The following MIDEAS variants were observed in gnomAD, a reference collection of about 807,000 sequenced individuals.
MIDEAS encodes mitotic deacetylase-associated SANT domain protein.
In MIDEAS, 26 loss-of-function variants were observed where a neutral mutation model predicts 102.7. The ratio of observed to expected loss-of-function variants is 0.25; its 90% CI spans 0.19 to 0.35. The LOEUF (loss-of-function observed/expected upper bound fraction) is 0.35, where lower values mean the gene tolerates loss of function less well. Among genes scored for constraint, MIDEAS ranks in the 10% least tolerant of loss-of-function variants. The pLI, the probability that MIDEAS is intolerant of heterozygous loss-of-function variation, is 1.00. For synonymous variants in MIDEAS, 585 were observed against 591.0 expected, an observed-to-expected ratio of 0.99 and a Z score of 0.15; for missense variants, 1,231 against 1,435.6, an observed-to-expected ratio of 0.86 and a Z score of 2.30.
Position 73,722,723 on chromosome 14 carries a change from T to G in MIDEAS, c.2699A>C (p.Gln900Pro), listed in dbSNP as rs2053012266. Residue 900 changes from glutamine to proline, a missense_variant, in exon 10 of 13, where the codon CAG becomes CCG. Physicochemically the swap from Gln to Pro is moderately conservative, Grantham distance 76 (BLOSUM62 -1). Transcript: ENST00000423556. ...DVDTSDEKSA[Q>P]EEVEVDIKTS... ...CTTAATATCCACTTCAACCTCTTCCTGGGCCGACTTCTCATCGCTCGTATC... is the reference window on the plus strand; with the variant it reads ...CTTAATATCCACTTCAACCTCTTCCGGGGCCGACTTCTCATCGCTCGTATC... 1 of 1,614,150 alleles carries G rather than the reference T, an allele frequency of 6.2e-7. No homozygotes were observed. Among genetic ancestry groups the G allele is most frequent in the African/African-American group, 1.3e-5 (1 of 75,044 alleles).
chr14:73,722,840 G>T lies in MIDEAS; in HGVS notation c.2582C>A (p.Thr861Asn), dbSNP rs769931783. ...DFFLVQKLIQ[T>N]KTVAQCVEFY... ...CTCCACGCACTGGGCCACGGTCTTG[G>T]TCTGGATCTGGTTTGAAGTCAAAAC... Residue 861 changes from threonine (T) to asparagine (N), a missense_variant, in exon 10 of 13, where the codon ACC becomes AAC. By Grantham distance (65) the Thr-to-Asn change is moderately conservative (BLOSUM62 0). Around this residue, in one of 5 missense-constraint regions of MIDEAS, gnomAD observed 391 missense variants for 483.0 expected, o/e 0.81. Transcript: ENST00000423556. 1 of 1,614,030 alleles carries T rather than the reference G, an allele frequency of 6.2e-7. No individual in the cohort carries two copies. Among genetic ancestry groups the T allele is most frequent in the South Asian group, 1.1e-5 (1 of 91,078 alleles).
intron 1 of MIDEAS, among the ~76,000 whole-genome samples, chr14:73,784,135 A>T (rs777784705): frequency 6.6e-6 from 1 of 152,250 alleles, no homozygotes; most frequent in Non-Finnish European, 1.5e-5. Context: ...CTGGTTTTAA[A>T]ATCTCTTGTC....
chr14:73,784,652 T>C (rs1363905309), intron 1 of MIDEAS, among the ~76,000 whole-genome samples: 3 of 152,210 alleles, frequency 2.0e-5, no homozygotes, highest in Non-Finnish European at 4.4e-5. Context: ...GCCTTCATTA[T>C]GGCAGTCCTG....
chr14:73,769,013 C>T (rs1020448292), intron 1 of MIDEAS, among the ~76,000 whole-genome samples: 1 of 152,204 alleles, frequency 6.6e-6, no homozygotes, highest in East Asian at 1.9e-4. Flanking sequence ...GTCATTTCAT[C>T]CCTTCTGTTC....
At chr14:73,769,622 G>A (rs1420201408) in intron 1 of MIDEAS, among the ~76,000 whole-genome samples, 1 of 135,052 alleles carries the variant, frequency 7.4e-6, no homozygotes, top group Non-Finnish European at 1.6e-5. Flanking sequence ...TTGTTTTTGA[G>A]ATGGAGTCTC....
chr14:73,740,988 G>A (rs1290993953), intron 1 of MIDEAS, among the ~76,000 whole-genome samples: 4 of 152,248 alleles, frequency 2.6e-5, no homozygotes, highest in African/African-American at 9.6e-5. Context: ...GGGTGGGGCT[G>A]TGGCTGCCAG....
intron 1 of MIDEAS, among the ~76,000 whole-genome samples, chr14:73,779,915 C>T (rs1312969474): frequency 2.1e-5 from 3 of 141,558 alleles, no homozygotes; most frequent in African/African-American, 7.9e-5. Flanking sequence ...CTCTGTTGCC[C>T]AGGCTGGAGT....
At chr14:73,785,033 C>T (rs1159370553) in intron 1 of MIDEAS, among the ~76,000 whole-genome samples, 1 of 152,188 alleles carries the variant, frequency 6.6e-6, no homozygotes, top group Non-Finnish European at 1.5e-5. Flanking sequence ...AACTCCAGTG[C>T]ACTGGAATCA....
At chr14:73,736,934 A>T in intron 3 of MIDEAS, 64 bp downstream of exon 3, 1 of 1,502,694 alleles carries the variant, frequency 6.7e-7, no homozygotes, top group South Asian at 1.2e-5. Flanking sequence ...TCCTTTCCCC[A>T]TAGGGTCCTG....
In MIDEAS at chr14:73,737,065, T is replaced by G; in HGVS notation, c.1682A>C (p.His561Pro). 1 of 1,614,126 alleles carries G rather than the reference T, an allele frequency of 6.2e-7. No homozygotes were observed. The highest frequency in any genetic ancestry group is 1.1e-5 in the South Asian group (1 of 91,082). The change falls in exon 3 of 13, where the codon CAC becomes CCC. Residue 561 changes from histidine to proline, a missense_variant. Coordinates refer to ENST00000423556, the MANE Select transcript of MIDEAS (RefSeq NM_001367710.1). The stretch of plus-strand genomic sequence containing the variant: ...GCGGGTGACGATGACTGATGGCTTG[T>G]GCTCAGCAGGGTTCTGTTCAGGACC... ...GKGPEQNPAE[H>P]KPSVIVTRRR...
chr14:73,739,135 G>C lies in MIDEAS; in HGVS notation c.874C>G (p.Pro292Ala). 6.2e-7 allele frequency: 1 copy of C among 1,612,622 alleles called. No individual in the cohort carries two copies. The highest frequency in any genetic ancestry group is 2.2e-5 in the East Asian group (1 of 44,882). ...TGGGACTGTCCCAGTGGCCCAGCTG[G>C]CTGCAGGCCAAAGTCCTGGGGTTGC... Reference protein sequence around the residue: ...SQQPQDFGLQPAGPLGQSHLA... With the variant: ...SQQPQDFGLQAAGPLGQSHLA... Residue 292 changes from proline (P) to alanine (A), a missense_variant, in exon 2 of 13, where the codon CCA (proline) becomes GCA (alanine). Pro to Ala is a conservative substitution (Grantham distance 27, BLOSUM62 -1). Coordinates refer to ENST00000423556, the MANE Select transcript of MIDEAS (RefSeq NM_001367710.1).
Position 73,726,000 on chromosome 14 carries a change from T to C in MIDEAS, c.2485+33A>G, listed in dbSNP as rs1444151498. 1 of 1,554,636 alleles carries C rather than the reference T, an allele frequency of 6.4e-7. No homozygotes were observed. The highest frequency in any genetic ancestry group is 1.9e-5 in the Admixed American group (1 of 51,788). Reference sequence around the variant, plus strand: ...ATGGATGCTGGAGACCTCTTGAGGCTCCAGGCACCATGCCCACCGCAGCCA... The same window carrying C: ...ATGGATGCTGGAGACCTCTTGAGGCCCCAGGCACCATGCCCACCGCAGCCA... On this transcript the variant is annotated intron_variant, in intron 8 of 12. Coordinates refer to ENST00000423556, the MANE Select transcript of MIDEAS (RefSeq NM_001367710.1). This position sits in a 1 kb window ranked among gnomAD's most constrained non-coding sequence, Gnocchi z 4.1.
Position 73,738,606 on chromosome 14 carries a change from G to A in MIDEAS, c.1403C>T (p.Thr468Ile), listed in dbSNP as rs1193298697. The change falls in exon 2 of 13, where the codon ACC becomes ATC. Residue 468 changes from threonine to isoleucine, a missense_variant. Thr to Ile is a moderately conservative substitution (Grantham distance 89). This residue lies in a region of MIDEAS where 758 missense variants were observed against 856.0 expected (regional missense o/e 0.89). Transcript: ENST00000423556. ...RRASQEANLL[T>I]LAQKAVELAS... ...CAGCTCCACAGCCTTCTGGGCCAGGGTCAGCAAATTGGCCTCCTGGGATGC... is the reference window on the plus strand; with the variant it reads ...CAGCTCCACAGCCTTCTGGGCCAGGATCAGCAAATTGGCCTCCTGGGATGC... The A allele has an allele frequency of 6.2e-7, 1 of 1,608,626 alleles. No homozygotes were observed.
rs201704789 is a variant in MIDEAS, at chr14:73,729,942, C to T, written c.1793G>A (p.Arg598Gln). The change falls in exon 4 of 13, where the codon CGG becomes CAG. Residue 598 changes from arginine to glutamine, a missense_variant. Transcript: ENST00000423556. ...NVKLEGEPSV[R>Q]KPKQRPRPEP... ...GGGCCTGGGCCGCTGCTTTGGTTTC[C>T]GCACGGAAGGCTCCCCCTCCAACTT... The T allele has an allele frequency of 1.1e-4, 175 of 1,602,106 alleles. No individual in the cohort carries two copies. Among genetic ancestry groups the T allele is most frequent in the Middle Eastern group, 5.0e-4 (3 of 6,000 alleles).
chr14:73,744,636 G>A (rs1203147036), intron 1 of MIDEAS, among the ~76,000 whole-genome samples: 1 of 152,110 alleles, frequency 6.6e-6, no homozygotes, highest in Non-Finnish European at 1.5e-5. Context: ...GCTGTCTTAG[G>A]ACAAAGTCTA....
In MIDEAS at chr14:73,759,235, C is replaced by A. The variant is rs1271577982; in HGVS notation, c.-248+528G>T. On this transcript the variant is annotated intron_variant, in intron 1 of 12. Transcript: ENST00000423556. The surrounding 1 kb of genome is among the most constrained non-coding windows in gnomAD (Gnocchi z 6.7). ...GACGCCGCGTCCAGGCCCACTTTCC[C>A]GTGCACGCTGGCAGGGGAAGGGGCT... Among the ~76,000 whole-genome samples the A allele has an allele frequency of 6.6e-6, 1 of 152,214 alleles. No individual in the cohort carries two copies. The highest frequency in any genetic ancestry group is 1.5e-5 in the Non-Finnish European group (1 of 68,022).
chr14:73,749,948 C>T (rs1167243054), intron 1 of MIDEAS, among the ~76,000 whole-genome samples: 1 of 152,140 alleles, frequency 6.6e-6, no homozygotes, highest in Admixed American at 6.5e-5. Flanking sequence ...AGCTTGATCC[C>T]GACATCAAAA....
chr14:73,729,574 T>G, intron 4 of MIDEAS, 66 bp downstream of exon 4: 82 of 1,321,760 alleles, frequency 6.2e-5, no homozygotes, highest in Middle Eastern at 2.6e-4. Context: ...CCCCACAGGC[T>G]GAGATGCCTC....
intron 4 of MIDEAS, chr14:73,727,801 G>A: frequency 5.0e-6 from 2 of 403,342 alleles, no homozygotes; most frequent in East Asian, 9.2e-5. Context: ...ATAATGCACA[G>A]AGCCTGGCAC....
Sources: gnomAD v4.1 joint callset for allele counts (sites outside exome capture counted in the v4.1 genomes callset) on GRCh38, gnomAD v4.1.1 for gene constraint, gnomAD v4.1.1 regional missense constraint, Gnocchi (gnomAD v3.1) non-coding constraint, MANE v1.5 for transcripts, NCBI Gene and HGNC (gene_info 2026-07-23, HGNC 2026-07-21) for gene names.